The following IGSF11 variants were observed in gnomAD, a reference collection of about 807,000 sequenced individuals.
IGSF11 encodes immunoglobulin superfamily member 11.
A neutral mutation model predicts 41.0 loss-of-function variants in IGSF11; 22 were observed. The observed-to-expected ratio is 0.54, with a 90% CI of 0.38 to 0.77. The LOEUF (loss-of-function observed/expected upper bound fraction) is 0.77. Among genes scored for constraint, IGSF11 ranks in the 30% least tolerant of loss-of-function variants. The pLI is 0.00. For synonymous variants in IGSF11, 219 were observed against 201.3 expected, an observed-to-expected ratio of 1.09 and a Z score of -0.74; for missense variants, 444 against 530.8, an observed-to-expected ratio of 0.84 and a Z score of 1.61.
chr3:119,140,378 T>C (rs2077627082), intron 1 of IGSF11, among the ~76,000 whole-genome samples: 1 of 152,186 alleles, frequency 6.6e-6, no homozygotes, highest in African/African-American at 2.4e-5. Context: ...CTTGAAAAAG[T>C]ACATTTTATA....
intron 1 of IGSF11, among the ~76,000 whole-genome samples, chr3:118,959,843 C>G (rs993860330): frequency 4.6e-5 from 7 of 151,842 alleles, no homozygotes; most frequent in Non-Finnish European, 1.0e-4. Flanking sequence ...GTCAGGAGAT[C>G]GAGACCATCC....
intron 1 of IGSF11, among the ~76,000 whole-genome samples, chr3:119,083,793 C>T (rs2076626347): frequency 6.6e-6 from 1 of 152,098 alleles, no homozygotes; most frequent in Non-Finnish European, 1.5e-5. Context: ...TGATAAACTA[C>T]TAAGGTAATT....
intron 1 of IGSF11, among the ~76,000 whole-genome samples, chr3:119,033,930 T>A (rs575554996): frequency 6.6e-6 from 1 of 152,376 alleles, no homozygotes; most frequent in South Asian, 2.1e-4. Flanking sequence ...TTTATTTTGT[T>A]CTAATATTGT....
chr3:119,129,279 C>T (rs1021230868), intron 1 of IGSF11, among the ~76,000 whole-genome samples: 1 of 151,902 alleles, frequency 6.6e-6, no homozygotes, highest in African/African-American at 2.4e-5. Flanking sequence ...ACATGTATCC[C>T]GTTTCTTTTT....
intron 1 of IGSF11, among the ~76,000 whole-genome samples, chr3:119,005,213 T>C (rs1937370636): frequency 6.8e-6 from 1 of 146,424 alleles, no homozygotes; most frequent in South Asian, 2.2e-4. Context: ...TTTACCATTA[T>C]GTAATGGCCT....
At chr3:119,069,961 G>C (rs2076368766) in intron 1 of IGSF11, among the ~76,000 whole-genome samples, 3 of 152,196 alleles carry the variant, frequency 2.0e-5, no homozygotes. Context: ...TGGGTAGGAG[G>C]AAGTAACATC....
At chr3:119,055,916 A>C (rs1941813954) in intron 1 of IGSF11, among the ~76,000 whole-genome samples, 1 of 152,222 alleles carries the variant, frequency 6.6e-6, no homozygotes, top group African/African-American at 2.4e-5. Flanking sequence ...ATGGTCTTTG[A>C]AACCAATAAG....
intron 1 of IGSF11, chr3:118,983,274 T>TTA (rs1934925546): frequency 2.0e-5 from 3 of 152,206 alleles, no homozygotes; most frequent in Non-Finnish European, 2.9e-5. Flanking sequence ...TAATATCATC[T>TTA]CCAGTTTACA....
intron 1 of IGSF11, among the ~76,000 whole-genome samples, chr3:119,065,047 G>A (rs556197132): frequency 2.0e-5 from 3 of 152,210 alleles, no homozygotes; most frequent in East Asian, 1.9e-4. Flanking sequence ...TATATTTAAT[G>A]TAAGTGTTGG....
chr3:119,071,994 T>G (rs1197663981), intron 1 of IGSF11, among the ~76,000 whole-genome samples: 3 of 152,222 alleles, frequency 2.0e-5, no homozygotes, highest in Non-Finnish European at 2.9e-5. Flanking sequence ...ATTTAGGTAT[T>G]CTTTAATTTC....
At chr3:119,036,667 C>T (rs1940920044), upstream of IGSF11, among the ~76,000 whole-genome samples, 1 of 150,970 alleles carries the variant, frequency 6.6e-6, no homozygotes, top group East Asian at 1.9e-4. Context: ...AGTACCTACA[C>T]TTTGTAAGGC....
At chr3:119,094,229 A>G (rs1231180727) in intron 1 of IGSF11, among the ~76,000 whole-genome samples, 3 of 71,212 alleles carry the variant, frequency 4.2e-5, no homozygotes, top group Non-Finnish European at 9.3e-5. Flanking sequence ...GAAGTAAAAA[A>G]AAAAAAAAAA....
At chr3:119,048,712 C>T (rs940385034) in intron 1 of IGSF11, among the ~76,000 whole-genome samples, 17 of 152,070 alleles carry the variant, frequency 1.1e-4, no homozygotes, top group South Asian at 1.0e-3. Flanking sequence ...AATTTTAGAC[C>T]AATATCCTTG....
At chr3:118,957,057 C>G (rs1162063616) in intron 1 of IGSF11, among the ~76,000 whole-genome samples, 1 of 151,968 alleles carries the variant, frequency 6.6e-6, no homozygotes, top group Non-Finnish European at 1.5e-5. Flanking sequence ...CCAGGAAAGC[C>G]TGGGTGTAAC....
rs546620182 is a variant in IGSF11 at position 118,930,205 on chromosome 3, G to A, written c.123C>T (p.Val41=). The A allele has an allele frequency of 6.2e-7, 1 of 1,614,048 alleles. No homozygotes were observed. The highest frequency in any genetic ancestry group is 1.1e-5 in the South Asian group (1 of 91,070). Residue 41 remains valine (V), a synonymous_variant, in exon 2 of 7, where the codon GTC becomes GTT. Coordinates refer to ENST00000393775, the MANE Select transcript of IGSF11 (RefSeq NM_001015887.3). ...CGCTGGTAGTGAAAGTGCAGGGCAG[G>A]ACTGCTGGCTGACCCCGGGCCACCT... The part of the protein sequence containing the change: ...SIQVARGQPA[V]LPCTFTTSAA...
At chr3:119,103,016 G>A (rs942203758) in intron 1 of IGSF11, among the ~76,000 whole-genome samples, 21 of 51,490 alleles carry the variant, frequency 4.1e-4, no homozygotes, top group Admixed American at 2.5e-3. Context: ...TTTTTTTTTT[G>A]AGTTGGAGTC....
At chr3:118,921,077 G>T (rs1941728856) in intron 4 of IGSF11, among the ~76,000 whole-genome samples, 2 of 152,070 alleles carry the variant, frequency 1.3e-5, no homozygotes, top group African/African-American at 2.4e-5. Flanking sequence ...ATATAATGAG[G>T]CTTACCCTAA....
At chr3:118,958,878 G>A (rs2107597168) in intron 1 of IGSF11, among the ~76,000 whole-genome samples, 1 of 152,322 alleles carries the variant, frequency 6.6e-6, no homozygotes, top group South Asian at 2.1e-4. Flanking sequence ...TTAGAATTGA[G>A]TTAGGAACCG....
intron 1 of IGSF11, among the ~76,000 whole-genome samples, chr3:119,118,391 T>C (rs981815545): frequency 2.0e-5 from 3 of 152,204 alleles, no homozygotes; most frequent in African/African-American, 7.2e-5. Context: ...GAGGCTAGCA[T>C]CCTCTGAAGC....
Sources: allele counts gnomAD v4.1 joint callset (sites outside exome capture counted in the v4.1 genomes callset), GRCh38; gene constraint gnomAD v4.1.1; transcripts MANE v1.5; gene names NCBI Gene and HGNC (gene_info 2026-07-23, HGNC 2026-07-21).